Variants in ADGB observed in about 807,000 individuals in gnomAD.
The protein encoded by ADGB is androglobin.
Under a neutral mutation model 210.5 loss-of-function variants are expected in ADGB, and 172 were observed. That is an observed-to-expected ratio of 0.82 (90% CI 0.72 to 0.93). The LOEUF (loss-of-function observed/expected upper bound fraction) is 0.93. Ranked by LOEUF, ADGB falls within the 40% of genes least tolerant of loss-of-function variation. The pLI is 0.00. For synonymous variants in ADGB, 658 were observed against 662.7 expected (o/e 0.99, Z 0.11); for missense variants, 2,025 against 1,964.8 (o/e 1.03, Z -0.58).
intron 17 of ADGB, among the ~76,000 whole-genome samples, chr6:146,722,001 C>T (rs1776825526): frequency 6.6e-6 from 1 of 152,036 alleles, no homozygotes; most frequent in Non-Finnish European, 1.5e-5. Flanking sequence ...CTGCCACCTG[C>T]ACCTCTTCTG....
At chr6:146,758,915 A>C (rs760621760) in intron 27 of ADGB, among the ~76,000 whole-genome samples, 6 of 151,988 alleles carry the variant, frequency 3.9e-5, no homozygotes, top group Non-Finnish European at 8.8e-5. Context: ...ATTATTGTAC[A>C]TTAGATAATT....
chr6:146,664,522 A>G (rs1775912732), intron 6 of ADGB, 182 bp downstream of exon 6: 2 of 523,082 alleles, frequency 3.8e-6, no homozygotes, highest in Non-Finnish European at 6.1e-6. Flanking sequence ...TATTAGGTTA[A>G]CAATAATGCA....
intron 26 of ADGB, among the ~76,000 whole-genome samples, chr6:146,748,907 C>T (rs1036709839): frequency 1.3e-5 from 2 of 151,992 alleles, no homozygotes; most frequent in Non-Finnish European, 2.9e-5. Flanking sequence ...TATGAGGACA[C>T]CAATCATACT....
chr6:146,632,358 T>A (rs547884545), intron 1 of ADGB, among the ~76,000 whole-genome samples: 4 of 152,250 alleles, frequency 2.6e-5, no homozygotes, highest in Non-Finnish European at 5.9e-5. Context: ...CTCCTCCGAC[T>A]CCTTCTTCCA....
intron 33 of ADGB, among the ~76,000 whole-genome samples, chr6:146,799,583 GGAGGGAGA>G (rs1361016467): frequency 6.6e-6 from 1 of 150,662 alleles, no homozygotes; most frequent in Non-Finnish European, 1.5e-5. Flanking sequence ...AGGCAGGCAG[GGAGGGAGA>G]GAGGGAGAGA....
At chr6:146,697,351 A>T (rs920715042) in intron 12 of ADGB, among the ~76,000 whole-genome samples, 1 of 152,238 alleles carries the variant, frequency 6.6e-6, no homozygotes, top group African/African-American at 2.4e-5. Flanking sequence ...GGTTATACAC[A>T]TATATCAAAG....
intron 7 of ADGB, among the ~76,000 whole-genome samples, chr6:146,672,007 C>A (rs1776016191): frequency 6.6e-6 from 1 of 152,064 alleles, no homozygotes; most frequent in Admixed American, 6.6e-5. Context: ...GTTTTGGTCG[C>A]TTTGTATCAG....
At chr6:146,782,226 A>G in intron 30 of ADGB, 34 bp downstream of exon 30, 1 of 1,466,638 alleles carries the variant, frequency 6.8e-7, no homozygotes, top group Non-Finnish European at 9.0e-7. Context: ...TGAGTGACTT[A>G]ATGATTTTAG....
intron 28 of ADGB, among the ~76,000 whole-genome samples, chr6:146,765,927 A>C (rs1397551553): frequency 1.3e-5 from 2 of 152,052 alleles, no homozygotes; most frequent in African/African-American, 4.8e-5. Flanking sequence ...AAGATTAATA[A>C]AACCCAGGGT....
chr6:146,760,297 T>A (rs1211782631), intron 27 of ADGB, among the ~76,000 whole-genome samples: 1 of 151,866 alleles, frequency 6.6e-6, no homozygotes, highest in African/African-American at 2.4e-5. Flanking sequence ...CTGTTCACAT[T>A]TCCATCACAA....
chr6:146,727,844 A>C (rs774012726), intron 19 of ADGB, among the ~76,000 whole-genome samples: 59 of 152,218 alleles, frequency 3.9e-4, no homozygotes, highest in Non-Finnish European at 7.3e-4. Context: ...AGTCAGTTGC[A>C]TCTGCTTCCA....
intron 27 of ADGB, among the ~76,000 whole-genome samples, chr6:146,755,212 C>A (rs1777388758): frequency 6.6e-6 from 1 of 151,986 alleles, no homozygotes; most frequent in Non-Finnish European, 1.5e-5. Flanking sequence ...TGATACTGTT[C>A]ATCTGTTTAG....
intron 35 of ADGB, among the ~76,000 whole-genome samples, chr6:146,806,853 G>T (rs562108487): frequency 1.2e-4 from 18 of 152,178 alleles, no homozygotes; most frequent in Non-Finnish European, 2.4e-4. Flanking sequence ...GGAGGAGAGC[G>T]TGCGGTTAAG....
chr6:146,686,366 T>G (rs969684584), intron 10 of ADGB, among the ~76,000 whole-genome samples: 5 of 152,226 alleles, frequency 3.3e-5, no homozygotes, highest in African/African-American at 9.6e-5. Context: ...GGAAATACAA[T>G]TAAAATATTT....
chr6:146,691,268 T>G lies in ADGB; in HGVS notation c.1464T>G (p.Thr488=). 6.5e-7 allele frequency: 1 copy of G among 1,546,548 alleles called. No individual in the cohort carries two copies. Among genetic ancestry groups the G allele is most frequent in the South Asian group, 1.2e-5 (1 of 83,732 alleles). Residue 488 remains threonine, a synonymous_variant, in exon 11 of 36, where the codon ACT becomes ACG. Transcript: ENST00000397944. ...PWKLIRQKKE[T]VITDEAQELI... is the part of the protein sequence containing the mutation. ...AACTCATTCGTCAAAAAAAGGAAAC[T>G]GTTATAACAGATGAAGCTCAAGGTA...
chr6:146,600,023 C>T (rs1012948065), intron 1 of ADGB, among the ~76,000 whole-genome samples: 1 of 152,122 alleles, frequency 6.6e-6, no homozygotes, highest in Non-Finnish European at 1.5e-5. Flanking sequence ...CCACATTGGA[C>T]TGATCCCTAT....
At chr6:146,755,525 G>A (rs1220945471) in intron 27 of ADGB, among the ~76,000 whole-genome samples, 1 of 152,048 alleles carries the variant, frequency 6.6e-6, no homozygotes, top group Non-Finnish European at 1.5e-5. Flanking sequence ...GAAAAAGGAT[G>A]TGTTTGCTTC....
intron 5 of ADGB, among the ~76,000 whole-genome samples, chr6:146,659,709 T>C (rs1221721858): frequency 6.6e-6 from 1 of 152,178 alleles, no homozygotes. Flanking sequence ...AGAACAGGGT[T>C]GTGACACAGA....
intron 6 of ADGB, 57 bp from the exon 7 acceptor site, chr6:146,666,759 T>C (rs1562269115): frequency 1.9e-6 from 2 of 1,032,382 alleles, no homozygotes; most frequent in Non-Finnish European, 2.9e-6. Context: ...AGTTCTTATA[T>C]ATCTTTATGT....
Sources: gnomAD v4.1 joint callset for allele counts (sites outside exome capture counted in the v4.1 genomes callset) on GRCh38, gnomAD v4.1.1 for gene constraint, MANE v1.5 for transcripts, NCBI Gene and HGNC (gene_info 2026-07-23, HGNC 2026-07-21) for gene names.